Variants in SSBP3 observed in about 807,000 individuals in gnomAD.
SSBP3 encodes the protein single-stranded DNA-binding protein 3.
A neutral mutation model predicts 69.6 loss-of-function variants in SSBP3; 5 were observed. The observed-to-expected ratio is 0.07, with a 90% CI of 0.04 to 0.15. SSBP3 has a LOEUF of 0.15. Among genes scored for constraint, SSBP3 ranks in the 10% least tolerant of loss-of-function variants. SSBP3 has a pLI of 1.00. For synonymous variants in SSBP3, 196 were observed against 193.4 expected, an observed-to-expected ratio of 1.01 and a Z score of -0.11; for missense variants, 312 against 534.0, an observed-to-expected ratio of 0.58 and a Z score of 4.10.
rs142824223 is a variant in SSBP3 at position 54,369,163 on chromosome 1, C to T, written c.276+32698G>A. On this transcript the variant is annotated intron_variant, in intron 4 of 17. Transcript: ENST00000610401. ...TGTCCTGTGTGGTCCTTCCAAACTG[C>T]GACCGTTGATTTTCTTTAAATCTGC... Among the ~76,000 whole-genome samples the T allele has an allele frequency of 1.7e-4, 25 of 150,486 alleles. No individual in the cohort carries two copies. The East Asian group carries it at 3.9e-3, about 24-fold the overall frequency.
At chr1:54,399,417 GAAC>G (rs1285159019) in intron 4 of SSBP3, among the ~76,000 whole-genome samples, 10 of 152,310 alleles carry the variant, frequency 6.6e-5, no homozygotes, top group Admixed American at 1.3e-4. Flanking sequence ...AAAATGGAGT[GAAC>G]AACAAGCCTT....
At chr1:54,347,553 G>T (rs550308721) in intron 4 of SSBP3, among the ~76,000 whole-genome samples, 7 of 152,244 alleles carry the variant, frequency 4.6e-5, no homozygotes, top group Non-Finnish European at 8.8e-5. Flanking sequence ...TACTGAATCC[G>T]CAAATGCTGG....
intron 4 of SSBP3, among the ~76,000 whole-genome samples, chr1:54,329,917 T>C (rs1646378050): frequency 1.3e-5 from 2 of 152,308 alleles, no homozygotes; most frequent in East Asian, 1.9e-4. Context: ...GGGTAGATTT[T>C]GGTCAATACC....
At chr1:54,254,828 T>C (rs1644890809) in intron 7 of SSBP3, among the ~76,000 whole-genome samples, 1 of 152,166 alleles carries the variant, frequency 6.6e-6, no homozygotes, top group African/African-American at 2.4e-5. Flanking sequence ...TTTCTTTTTT[T>C]ATCTTTTTTC....
At chr1:54,338,464 G>A (rs781189948) in intron 4 of SSBP3, among the ~76,000 whole-genome samples, 7 of 152,018 alleles carry the variant, frequency 4.6e-5, no homozygotes, top group Admixed American at 3.9e-4. Flanking sequence ...TATGCTTCCC[G>A]CCCTCTCACT....
rs181176860 is a variant in SSBP3 at position 54,238,532 on chromosome 1, G to A, written c.927+597C>T. On this transcript the variant is annotated intron_variant, in intron 14 of 17. Transcript: ENST00000610401. ...AGACAGGCTGCAGCTGACTAACCAA[G>A]TCCCATCCAGTGGGTGCAGGGGACA... 1,553 of 367,476 alleles carry A rather than the reference G, an allele frequency of 4.2e-3. 22 individuals carry two copies. Among genetic ancestry groups the A allele is most frequent in the Admixed American group, 0.022 (572 of 26,584 alleles). 22.8% of individuals were successfully genotyped at this position (367,476 alleles called of 1,614,324 possible).
intron 5 of SSBP3, among the ~76,000 whole-genome samples, chr1:54,274,711 C>T (rs531392723): frequency 6.6e-6 from 1 of 152,194 alleles, no homozygotes; most frequent in African/African-American, 2.4e-5. Context: ...CACTGGCCAG[C>T]CGGCCAAGGG....
At chr1:54,269,535 A>C (rs543676898) in intron 5 of SSBP3, among the ~76,000 whole-genome samples, 1 of 152,360 alleles carries the variant, frequency 6.6e-6, no homozygotes, top group Admixed American at 6.5e-5. Context: ...TGGCTATTAC[A>C]ATTAATCTAG....
intron 14 of SSBP3, chr1:54,236,640 CCTT>C (rs1458780391): frequency 3.9e-5 from 6 of 152,194 alleles, no homozygotes; most frequent in Admixed American, 3.9e-4. Context: ...AGAAGGACAT[CCTT>C]CTTGTCTCAC....
chr1:54,380,321 C>T (rs1441541094), intron 4 of SSBP3, among the ~76,000 whole-genome samples: 1 of 152,162 alleles, frequency 6.6e-6, no homozygotes, highest in East Asian at 1.9e-4. Context: ...TGCCCAAATG[C>T]TTGAGTCTTG....
chr1:54,247,353 A>C (rs555399889), intron 9 of SSBP3, among the ~76,000 whole-genome samples: 1 of 152,292 alleles, frequency 6.6e-6, no homozygotes, highest in Non-Finnish European at 1.5e-5. Context: ...CTCACCTACC[A>C]GAGTGGATTT....
intron 4 of SSBP3, among the ~76,000 whole-genome samples, chr1:54,344,897 G>A (rs1356265819): frequency 3.9e-5 from 6 of 152,210 alleles, no homozygotes; most frequent in African/African-American, 9.7e-5. Context: ...GCTTGAGCGC[G>A]TCGCTGGCAG....
At chr1:54,235,448 A>ATTTTTTTTTTTTTTTTTTTTTTTTTT (rs71580002) in intron 14 of SSBP3, among the ~76,000 whole-genome samples, 1 of 69,922 alleles carries the variant, frequency 1.4e-5, no homozygotes, top group Non-Finnish European at 2.5e-5. Context: ...TGCCCGGCTG[A>ATTTTTTTTTTTTTTTTTTTTTTTTTT]TTTTTTTTTT....
intron 7 of SSBP3, among the ~76,000 whole-genome samples, chr1:54,252,953 G>C (rs1258518157): frequency 6.6e-6 from 1 of 152,178 alleles, no homozygotes; most frequent in African/African-American, 2.4e-5. Flanking sequence ...GTGCTGCTGT[G>C]GGGGAGGCTG....
chr1:54,349,752 A>G (rs747613166), intron 4 of SSBP3, among the ~76,000 whole-genome samples: 9 of 152,008 alleles, frequency 5.9e-5, no homozygotes, highest in African/African-American at 9.6e-5. Flanking sequence ...TATTTTACAG[A>G]TATCTTTTTC....
At position 54,247,657 on chromosome 1, in the gene SSBP3, T is replaced by C. The variant is rs376001046; in HGVS notation, c.651+3959A>G. Among the ~76,000 whole-genome samples, 38 of 152,254 alleles carry C rather than the reference T, an allele frequency of 2.5e-4. 1 individual carries two copies. In the South Asian group the frequency reaches 6.2e-3, roughly 25 times the overall value. On this transcript the variant is annotated intron_variant, in intron 9 of 17. Coordinates refer to ENST00000610401, the Ensembl canonical transcript of SSBP3. ...AACCAGGATAATGACCTGATTCTAC[T>C]CTGTCCTGGCTCCAGCCCCAGCCTG...
intron 4 of SSBP3, among the ~76,000 whole-genome samples, chr1:54,288,824 C>T (rs1645540957): frequency 6.6e-6 from 1 of 151,980 alleles, no homozygotes; most frequent in African/African-American, 2.4e-5. Context: ...CGAGACCATC[C>T]TGGCTAACAC....
intron 4 of SSBP3, among the ~76,000 whole-genome samples, chr1:54,310,900 G>C (rs1236965143): frequency 6.6e-6 from 1 of 152,252 alleles, no homozygotes; most frequent in Non-Finnish European, 1.5e-5. Context: ...CAGATTGGCA[G>C]TGGTGAGCAT....
chr1:54,408,778 C>T (rs1009421344), upstream of SSBP3, among the ~76,000 whole-genome samples: 5 of 152,212 alleles, frequency 3.3e-5, no homozygotes, highest in Non-Finnish European at 5.9e-5. Flanking sequence ...ACTAGCACCT[C>T]CTTTCCAAAC....
Sources: gnomAD v4.1 joint callset for allele counts (sites outside exome capture counted in the v4.1 genomes callset) on GRCh38, gnomAD v4.1.1 for gene constraint, MANE v1.5 for transcripts, NCBI Gene and HGNC (gene_info 2026-07-23, HGNC 2026-07-21) for gene names.